Variants in PFKL observed in about 807,000 individuals in gnomAD.
PFKL encodes phosphofructokinase, liver type.
PFKL carries 74 observed loss-of-function variants against 92.1 expected under a neutral mutation model. The observed-to-expected ratio is 0.80, with a 90% confidence interval of 0.67 to 0.97. PFKL has a LOEUF of 0.97. PFKL is among the 50% of genes least tolerant of loss of function. PFKL has a pLI of 0.00. For missense variants in PFKL, 1,028 were observed against 1,116.6 expected, an observed-to-expected ratio of 0.92 and a Z score of 1.13; for synonymous variants, 494 against 456.4, an observed-to-expected ratio of 1.08 and a Z score of -1.05.
chr21:44,317,227 TCAGA>T (rs2047231948), intron 9 of PFKL, among the ~76,000 whole-genome samples: 3 of 152,176 alleles, frequency 2.0e-5, no homozygotes, highest in African/African-American at 4.8e-5. Flanking sequence ...CCAGAGACTG[TCAGA>T]CAGGTGGGAC....
chr21:44,318,465 C>T lies in PFKL; in HGVS notation c.937-5C>T, dbSNP rs765294491. On this transcript the variant is annotated splice_region_variant and splice_polypyrimidine_tract_variant and intron_variant, in intron 9 of 21. Transcript: ENST00000349048. The stretch of plus-strand genomic sequence containing the variant: ...GGGTGTGCCAGCCTGAACCCTTCCC[C>T]ACAGAGCAGCAAGATGGGCATGGAG... The T allele has an allele frequency of 6.5e-7, 1 of 1,529,734 alleles. No homozygotes were observed. Among genetic ancestry groups the T allele is most frequent in the South Asian group, 1.2e-5 (1 of 81,562 alleles). 94.8% of individuals were successfully genotyped at this position (1,529,734 alleles called of 1,614,324 possible). A position where few individuals can be genotyped will look rare whatever the true frequency, so the allele number is the denominator to read the frequency against.
chr21:44,318,354 G>T (rs1602037132), intron 9 of PFKL, 116 bp from the exon 10 acceptor site: 2 of 1,169,966 alleles, frequency 1.7e-6, no homozygotes, highest in Non-Finnish European at 1.1e-6. Flanking sequence ...TGTTCTGGAA[G>T]CTTCCGTCAG....
At chr21:44,325,409 G>A (rs2047478271) in intron 19 of PFKL, 145 bp downstream of exon 19, 1 of 635,370 alleles carries the variant, frequency 1.6e-6, no homozygotes. Flanking sequence ...CCAGTGAGGG[G>A]ACCGAGGCCT....
intron 13 of PFKL, 56 bp downstream of exon 13, chr21:44,321,931 G>C (rs2047366197): frequency 2.0e-6 from 3 of 1,511,026 alleles, no homozygotes; most frequent in East Asian, 2.3e-5. Context: ...TGCACACTTG[G>C]GGCATTTCCT....
At chr21:44,306,603 C>G (rs1354050560) in intron 1 of PFKL, 78 bp from the exon 2 acceptor site, 22 of 1,312,820 alleles carry the variant, frequency 1.7e-5, no homozygotes, top group Non-Finnish European at 2.3e-5. Context: ...CCCCTACCCC[C>G]TGTCCTCTGA....
intron 9 of PFKL, 96 bp from the exon 10 acceptor site, chr21:44,318,374 C>T (rs2047265507): frequency 3.1e-6 from 4 of 1,288,068 alleles, no homozygotes; most frequent in Admixed American, 2.9e-5. Flanking sequence ...GCGTGGGGGG[C>T]TCTGGAAGCT....
chr21:44,325,612 G>A, intron 19 of PFKL: 1 of 491,296 alleles, frequency 2.0e-6, no homozygotes, highest in Non-Finnish European at 3.7e-6. Context: ...CCCGCGTCCT[G>A]GGGTTTTCTG....
Position 44,322,185 on chromosome 21 carries a change from C to T in PFKL, c.1391C>T (p.Ser464Phe). 6.2e-7 allele frequency: 1 copy of T among 1,603,604 alleles called. No homozygotes were observed. Among genetic ancestry groups the T allele is most frequent in the Non-Finnish European group, 8.5e-7 (1 of 1,178,374 alleles). The change falls in exon 14 of 22, where the codon TCC (serine) becomes TTC (phenylalanine). Residue 464 changes from serine (S) to phenylalanine (F), a missense_variant. Physicochemically the swap from Ser to Phe is radical, Grantham distance 155 (BLOSUM62 -2). Coordinates refer to ENST00000349048, the MANE Select transcript of PFKL (RefSeq NM_002626.6). ...GCCGGCTGGTTGGGGCGTGGTGGCT[C>T]CATGCTGGGGACCAAGAGGTGAGCT... ...DVAGWLGRGG[S>F]MLGTKRTLPK...
At position 44,308,635 on chromosome 21, in the gene PFKL, C is replaced by G. The variant is rs139518942; in HGVS notation, c.159+1881C>G. On this transcript the variant is annotated intron_variant, in intron 2 of 21. Transcript: ENST00000349048. ...GGAGCGCAGTGGCACAATCTTGGCTCGCTGCAACCTCTGCCTCCCAGGTTC... is the reference window on the plus strand; with the variant it reads ...GGAGCGCAGTGGCACAATCTTGGCTGGCTGCAACCTCTGCCTCCCAGGTTC... Among the ~76,000 whole-genome samples, 721 of 149,336 alleles carry G rather than the reference C, an allele frequency of 4.8e-3. 8 individuals are homozygous for G. The highest frequency in any genetic ancestry group is 0.028 in the East Asian group (139 of 5,014).
At chr21:44,323,942 C>A (rs976576366) in intron 16 of PFKL, 24 bp downstream of exon 16, 14 of 1,612,494 alleles carry the variant, frequency 8.7e-6, no homozygotes, top group African/African-American at 2.7e-5. Context: ...GGACACCGGC[C>A]TGCCATGCCC....
intron 1 of PFKL, chr21:44,305,456 AGGGCAGGGGCTTTTGAG>A: frequency 3.2e-6 from 2 of 629,626 alleles, no homozygotes; most frequent in Non-Finnish European, 4.9e-6. Context: ...GGGGGGTGGG[AGGGCAGGGGCTTTTGAG>A]GGGCACGAGG....
At position 44,322,257 on chromosome 21, in the gene PFKL, A is replaced by G. The variant is rs565415846; in HGVS notation, c.1409+54A>G. ...GCAGGAGGGCCAGGGCGCAGTATCC[A>G]GGCCCTGCAGGTGGGGGCGGCAAGG... On this transcript the variant is annotated intron_variant, in intron 14 of 21. Coordinates refer to ENST00000349048, the MANE Select transcript of PFKL (RefSeq NM_002626.6). 6 of 1,509,738 alleles carry G rather than the reference A, an allele frequency of 4.0e-6. No homozygotes were observed. In the East Asian group the frequency reaches 1.4e-4, roughly 34 times the overall value. 93.5% of individuals were successfully genotyped at this position (1,509,738 alleles called of 1,614,324 possible).
chr21:44,318,710 C>G, intron 10 of PFKL, 115 bp downstream of exon 10: 4 of 826,252 alleles, frequency 4.8e-6, no homozygotes, highest in East Asian at 4.3e-5. Context: ...GGCAGGGCCT[C>G]GTGGCTGGCC....
chr21:44,323,094 C>G, intron 15 of PFKL, 45 bp downstream of exon 15: 1 of 1,480,616 alleles, frequency 6.8e-7, no homozygotes, highest in Non-Finnish European at 9.4e-7. Flanking sequence ...CACAGGAGAC[C>G]CAAGGTGTCC....
intron 7 of PFKL, chr21:44,315,854 C>T (rs1322679167): frequency 2.0e-5 from 5 of 250,392 alleles, no homozygotes; most frequent in Non-Finnish European, 2.4e-5. Flanking sequence ...CAGGCTAGCC[C>T]GGGCAGGCCC....
chr21:44,303,211 C>T lies in PFKL; in HGVS notation c.85+3021C>T, dbSNP rs187745503. ...TCGAGCCACGGCACTCTAGCCTGGG[C>T]GACAGAGCGAGACTCTGTTGCAAAA... On this transcript the variant is annotated intron_variant, in intron 1 of 21. Transcript: ENST00000349048. 1.3e-3 allele frequency among the ~76,000 whole-genome samples: 192 copies of T among 149,122 alleles called. 2 individuals carry two copies. Among genetic ancestry groups the T allele is most frequent in the East Asian group, 5.9e-4 (3 of 5,100 alleles).
intron 1 of PFKL, among the ~76,000 whole-genome samples, chr21:44,304,011 T>C (rs1052781317): frequency 1.4e-5 from 2 of 148,042 alleles, no homozygotes; most frequent in Non-Finnish European, 3.0e-5. Flanking sequence ...AATTTCCTCC[T>C]TCAGGCCGCA....
chr21:44,320,025 TG>T (rs2145999582), intron 11 of PFKL, 58 bp from the exon 12 acceptor site: 1 of 1,487,628 alleles, frequency 6.7e-7, no homozygotes, highest in African/African-American at 1.4e-5. Flanking sequence ...ACGGCTGCGC[TG>T]TGGCTGTACG....
intron 1 of PFKL, among the ~76,000 whole-genome samples, chr21:44,304,779 TTGTC>T (rs1056884909): frequency 4.5e-5 from 6 of 132,404 alleles, no homozygotes; most frequent in East Asian, 2.6e-4. Flanking sequence ...CTGGGGGAGC[TTGTC>T]TGTCTGTCTG....
Sources: gnomAD v4.1 joint callset for allele counts (sites outside exome capture counted in the v4.1 genomes callset) on GRCh38, gnomAD v4.1.1 for gene constraint, MANE v1.5 for transcripts, NCBI Gene and HGNC (gene_info 2026-07-23, HGNC 2026-07-21) for gene names.